The following POLN variants were observed in gnomAD, a reference collection of about 807,000 sequenced individuals.
POLN encodes the protein DNA polymerase nu.
POLN carries 108 observed loss-of-function variants against 113.5 expected under a neutral mutation model. The ratio of observed to expected loss-of-function variants is 0.95; its 90% confidence interval spans 0.81 to 1.12. The LOEUF (loss-of-function observed/expected upper bound fraction) is 1.12. Ranked by LOEUF, POLN falls within the 50% of genes most tolerant of loss-of-function variation. The probability of loss-of-function intolerance (pLI) is 0.00; values close to 1 mark genes in which losing one functional copy is unlikely to be tolerated. For synonymous variants in POLN, 386 were observed against 391.5 expected, an observed-to-expected ratio of 0.99 and a Z score of 0.17; for missense variants, 1,097 against 1,077.1, an observed-to-expected ratio of 1.02 and a Z score of -0.26.
At chr4:2,202,983 C>T (rs910705228) in intron 5 of POLN, among the ~76,000 whole-genome samples, 1 of 152,076 alleles carries the variant, frequency 6.6e-6, no homozygotes, top group Admixed American at 6.6e-5. Flanking sequence ...TTAAACTGTA[C>T]CCTGGAACAA....
chr4:2,156,863 T>C lies in POLN; in HGVS notation c.1666-10A>G, dbSNP rs1262910186. The C allele has an allele frequency of 1.2e-6, 2 of 1,604,130 alleles. No homozygotes were observed. Among genetic ancestry groups the C allele is most frequent in the Non-Finnish European group, 1.7e-6 (2 of 1,171,034 alleles). On this transcript the variant is annotated splice_polypyrimidine_tract_variant and intron_variant, in intron 15 of 25. Coordinates refer to ENST00000511885, the MANE Select transcript of POLN (RefSeq NM_181808.4). Reference sequence around the variant, plus strand: ...TAGAGGAAATGGAGCCCTTTATTAGTTAAAAAGAATCAGTGTAAACTCCAG... The same window carrying C: ...TAGAGGAAATGGAGCCCTTTATTAGCTAAAAAGAATCAGTGTAAACTCCAG...
intron 16 of POLN, among the ~76,000 whole-genome samples, chr4:2,153,806 G>C (rs144055892): frequency 3.6e-3 from 542 of 151,912 alleles, no homozygotes; most frequent in Middle Eastern, 0.01. Flanking sequence ...GAATGTTCTC[G>C]ATCTCCTGAC....
rs140500980 is a variant in POLN at position 2,095,536 on chromosome 4, G to A, written c.2065+315C>T. Among the ~76,000 whole-genome samples, 7 of 152,252 alleles carry A rather than the reference G, an allele frequency of 4.6e-5. No individual in the cohort carries two copies. In the East Asian group the frequency reaches 7.7e-4, roughly 17 times the overall value. ...ATAATGCCTTGGCATGTGTGTGGAC[G>A]AGGGTCTCCTCGAAGGTCTCCAAGC... On this transcript the variant is annotated intron_variant, in intron 20 of 25. Coordinates refer to ENST00000511885, the MANE Select transcript of POLN (RefSeq NM_181808.4).
chr4:2,241,623 C>T lies in POLN; in HGVS notation c.-116G>A. The T allele has an allele frequency of 1.0e-6, 1 of 985,482 alleles. No homozygotes were observed. The allele number at this position is 985,482 out of a possible 1,614,324, so 61.0% of individuals were successfully genotyped here. ...CGCGCGGCCACAATTAAGGGTGCTT[C>T]GGGCCGGCCTTCAGCCAGCGCTGAG... On this transcript the variant is annotated 5_prime_UTR_variant, in exon 2 of 26. Coordinates refer to ENST00000511885, the MANE Select transcript of POLN (RefSeq NM_181808.4).
chr4:2,105,919 C>G (rs1731055432), intron 19 of POLN, among the ~76,000 whole-genome samples: 1 of 152,076 alleles, frequency 6.6e-6, no homozygotes, highest in African/African-American at 2.4e-5. Context: ...CCAACACCCT[C>G]CATATTGCTG....
chr4:2,240,776 TTC>T, intron 2 of POLN: 1 of 1,613,966 alleles, frequency 6.2e-7, no homozygotes, highest in East Asian at 2.2e-5. Flanking sequence ...AAGCTTCCAA[TTC>T]TCTTTCAGAC....
At chr4:2,072,488 G>A (rs1336099414) in intron 25 of POLN, among the ~76,000 whole-genome samples, 189 bp from the exon 26 acceptor site, 1 of 152,214 alleles carries the variant, frequency 6.6e-6, no homozygotes, top group Non-Finnish European at 1.5e-5. Context: ...ACAGGCTTAT[G>A]CCACATCCAC....
At position 2,075,588 on chromosome 4, in the gene POLN, G is replaced by A. The variant is rs941889848; in HGVS notation, c.2388-69C>T. The A allele has an allele frequency of 2.6e-6, 4 of 1,544,798 alleles. No homozygotes were observed. The African/African-American group carries it at 5.4e-5, about 21-fold the overall frequency. The stretch of plus-strand genomic sequence containing the variant: ...GGGCGTGGGCCACCAGCCTGGCAGG[G>A]AGGGAGGGAGTCAACCTGGGAGGCC... On this transcript the variant is annotated intron_variant, in intron 23 of 25. Transcript: ENST00000511885.
intron 16 of POLN, among the ~76,000 whole-genome samples, chr4:2,143,164 C>CT (rs960419387): frequency 5.9e-5 from 9 of 151,432 alleles, no homozygotes; most frequent in African/African-American, 2.2e-4. Context: ...AGGCTTATAC[C>CT]TAAAAAGCCT....
At chr4:2,175,727 G>A (rs1732978424) in intron 9 of POLN, among the ~76,000 whole-genome samples, 1 of 152,202 alleles carries the variant, frequency 6.6e-6, no homozygotes, top group African/African-American at 2.4e-5. Context: ...ATAAGGCGGG[G>A]CAGGCTCCTC....
chr4:2,090,732 TA>T, intron 20 of POLN: 1 of 192,026 alleles, frequency 5.2e-6, no homozygotes. Context: ...TTAGTTTGGC[TA>T]AAATCAAACT....
At chr4:2,166,144 C>A (rs894477727) in intron 13 of POLN, among the ~76,000 whole-genome samples, 3 of 152,138 alleles carry the variant, frequency 2.0e-5, no homozygotes, top group African/African-American at 7.2e-5. Context: ...CCAAGGCTAC[C>A]CATTTTTCTA....
chr4:2,193,413 G>T, intron 6 of POLN, 97 bp from the exon 7 acceptor site: 2 of 707,166 alleles, frequency 2.8e-6, no homozygotes, highest in South Asian at 1.9e-5. Flanking sequence ...CTATCACTTA[G>T]ATAGCACATA....
At chr4:2,123,697 T>C (rs1441238000) in intron 19 of POLN, among the ~76,000 whole-genome samples, 2 of 148,362 alleles carry the variant, frequency 1.3e-5, no homozygotes, top group African/African-American at 5.0e-5. Context: ...TCCCAGCTAC[T>C]TGGGAGGTAA....
At chr4:2,227,748 G>A (rs1386263282) in intron 3 of POLN, 2 of 152,136 alleles carry the variant, frequency 1.3e-5, no homozygotes, top group Non-Finnish European at 1.5e-5. Flanking sequence ...AACAATAAGA[G>A]CTTATATGAG....
At chr4:2,161,934 G>A (rs1218750094) in intron 13 of POLN, among the ~76,000 whole-genome samples, 1 of 152,110 alleles carries the variant, frequency 6.6e-6, no homozygotes, top group Admixed American at 6.5e-5. Context: ...TGGACACTCT[G>A]TATCTAGCTA....
chr4:2,229,150 T>G lies in POLN; in HGVS notation c.82A>C (p.Met28Leu). The change falls in exon 3 of 26, where the codon ATG (methionine) becomes CTG (leucine). Residue 28 changes from methionine to leucine, a missense_variant. Transcript: ENST00000511885. The part of the protein sequence containing the change: ...SSVAQKIMSA[M>L]HSGDLVDSKT... The stretch of plus-strand genomic sequence containing the variant: ...GAATCCACTAAATCACCTGAATGCA[T>G]AGCAGACATAATCTTCTGAGCAACA... The G allele has an allele frequency of 6.2e-7, 1 of 1,610,732 alleles. No individual in the cohort carries two copies. Among genetic ancestry groups the G allele is most frequent in the Non-Finnish European group, 8.5e-7 (1 of 1,176,942 alleles).
chr4:2,146,397 A>C (rs1431319917), intron 16 of POLN, among the ~76,000 whole-genome samples: 2 of 152,198 alleles, frequency 1.3e-5, no homozygotes, highest in African/African-American at 4.8e-5. Flanking sequence ...AATCCCAGCT[A>C]CTTGGGAGGC....
intron 20 of POLN, chr4:2,090,194 T>C: frequency 6.6e-6 from 6 of 904,652 alleles, no homozygotes; most frequent in Non-Finnish European, 6.8e-6. Context: ...TACCTTTTGC[T>C]ATCTTTCCTG....
Sources: gnomAD v4.1 joint callset for allele counts (sites outside exome capture counted in the v4.1 genomes callset) on GRCh38, gnomAD v4.1.1 for gene constraint, MANE v1.5 for transcripts, NCBI Gene and HGNC (gene_info 2026-07-23, HGNC 2026-07-21) for gene names.